The following PTCSC3 variants were observed in gnomAD, a reference collection of about 807,000 sequenced individuals.
PTCSC3 encodes papillary thyroid carcinoma susceptibility candidate 3.
At chr14:36,141,801 A>C (rs1594443853) in intron 3 of PTCSC3, among the ~76,000 whole-genome samples, 2 of 152,212 alleles carry the variant, frequency 1.3e-5, no homozygotes. Flanking sequence ...TTTTGGTGCT[A>C]ATGTAAAAGA....
chr14:36,152,593 C>A (rs1285050145), intron 3 of PTCSC3, among the ~76,000 whole-genome samples: 1 of 152,086 alleles, frequency 6.6e-6, no homozygotes, highest in Non-Finnish European at 1.5e-5. Flanking sequence ...AATATGAGAA[C>A]TACGACAACA....
chr14:36,173,990 T>A (rs1157356973), intron 1 of PTCSC3, among the ~76,000 whole-genome samples: 1 of 152,182 alleles, frequency 6.6e-6, no homozygotes, highest in Non-Finnish European at 1.5e-5. Context: ...GTACCTTTTT[T>A]TTCTCTTTGG....
intron 3 of PTCSC3, among the ~76,000 whole-genome samples, chr14:36,143,218 C>T (rs2139089906): frequency 6.8e-6 from 1 of 147,338 alleles, no homozygotes; most frequent in Non-Finnish European, 1.5e-5. Flanking sequence ...TTCTAGATCC[C>T]TGAGGAATCA....
intron 1 of PTCSC3, among the ~76,000 whole-genome samples, chr14:36,175,491 A>G (rs541480563): frequency 6.6e-6 from 1 of 152,184 alleles, no homozygotes; most frequent in Non-Finnish European, 1.5e-5. Context: ...GAACCACAGC[A>G]CTTTCTATGA....
intron 2 of PTCSC3, among the ~76,000 whole-genome samples, chr14:36,160,929 T>A (rs1167025694): frequency 6.6e-6 from 1 of 152,190 alleles, no homozygotes; most frequent in Non-Finnish European, 1.5e-5. Flanking sequence ...TTCCTTTTTA[T>A]TCTTTTTTCT....
intron 3 of PTCSC3, among the ~76,000 whole-genome samples, chr14:36,145,909 T>G (rs1881554620): frequency 6.6e-6 from 1 of 151,106 alleles, no homozygotes; most frequent in African/African-American, 2.4e-5. Context: ...CTGCCTTCAT[T>G]TTGTTATGTA....
intron 2 of PTCSC3, among the ~76,000 whole-genome samples, chr14:36,159,407 C>T (rs534017186): frequency 1.3e-5 from 2 of 152,300 alleles, no homozygotes; most frequent in South Asian, 4.1e-4. Context: ...TCCCTCTTAA[C>T]ACTGTTTTAG....
chr14:36,144,223 G>A (rs1367887653), intron 3 of PTCSC3, among the ~76,000 whole-genome samples: 1 of 149,556 alleles, frequency 6.7e-6, no homozygotes, highest in Non-Finnish European at 1.5e-5. Flanking sequence ...GATGGGGATG[G>A]CGTTGAATCT....
chr14:36,152,613 CG>C (rs1881747098), intron 3 of PTCSC3, among the ~76,000 whole-genome samples: 1 of 152,154 alleles, frequency 6.6e-6, no homozygotes, highest in African/African-American at 2.4e-5. Flanking sequence ...AACAACAAAA[CG>C]AGGCGCAGTG....
chr14:36,152,289 A>G (rs1881741316), intron 3 of PTCSC3, among the ~76,000 whole-genome samples: 1 of 152,122 alleles, frequency 6.6e-6, no homozygotes, highest in African/African-American at 2.4e-5. Flanking sequence ...ACTTTTTTTC[A>G]TCAAAAGACA....
intron 2 of PTCSC3, among the ~76,000 whole-genome samples, chr14:36,160,322 C>G (rs949968630): frequency 6.6e-6 from 1 of 152,038 alleles, no homozygotes; most frequent in African/African-American, 2.4e-5. Context: ...TTCATAGTGT[C>G]GATGGTCTTT....
chr14:36,149,670 G>A (rs899308646), intron 3 of PTCSC3, among the ~76,000 whole-genome samples: 1 of 152,086 alleles, frequency 6.6e-6, no homozygotes, highest in African/African-American at 2.4e-5. Flanking sequence ...TAATTATTAT[G>A]TCTTTTTGGA....
chr14:36,165,792 A>ATCGTC (rs2139110449), intron 1 of PTCSC3, among the ~76,000 whole-genome samples: 1 of 149,954 alleles, frequency 6.7e-6, no homozygotes, highest in South Asian at 2.1e-4. Flanking sequence ...TAATGAAACT[A>ATCGTC]ATGATTTAGG....
At chr14:36,149,201 T>TAAAAA (rs1428397073) in intron 3 of PTCSC3, among the ~76,000 whole-genome samples, 11 of 152,152 alleles carry the variant, frequency 7.2e-5, no homozygotes, top group Admixed American at 7.2e-4. Flanking sequence ...GTATTTTTAT[T>TAAAAA]TTCATTTATT....
Position 36,143,177 on chromosome 14 carries a change from A to G in PTCSC3, n.323-6821T>C, listed in dbSNP as rs1442887397. ...TAGTCCTTTGGGTATATACCCAGTAATGGGATGGCTGGGTCAAATGGTATT... is the reference window on the plus strand; with the variant it reads ...TAGTCCTTTGGGTATATACCCAGTAGTGGGATGGCTGGGTCAAATGGTATT... On this transcript the variant is annotated intron_variant and non_coding_transcript_variant, in intron 3 of 3. Transcript: ENST00000556013. Among the ~76,000 whole-genome samples, 90 of 149,126 alleles carry G rather than the reference A, an allele frequency of 6.0e-4. No homozygotes were observed. In the South Asian group the frequency reaches 0.011, roughly 18 times the overall value.
At chr14:36,148,506 C>T (rs1594447810) in intron 3 of PTCSC3, among the ~76,000 whole-genome samples, 1 of 152,240 alleles carries the variant, frequency 6.6e-6, no homozygotes, top group Admixed American at 6.5e-5. Context: ...GATGCAATGC[C>T]TCGCCCTGCT....
intron 3 of PTCSC3, among the ~76,000 whole-genome samples, chr14:36,144,572 G>A (rs1881511899): frequency 9.9e-6 from 1 of 100,940 alleles, no homozygotes; most frequent in Admixed American, 1.1e-4. Context: ...GAGACAATGG[G>A]GTTTTCTAGA....
intron 2 of PTCSC3, among the ~76,000 whole-genome samples, chr14:36,158,613 AT>A (rs2139103849): frequency 6.6e-6 from 1 of 152,262 alleles, no homozygotes; most frequent in Admixed American, 6.5e-5. Flanking sequence ...CAGCTTGATC[AT>A]GGTGGAAAAG....
At chr14:36,140,471 C>T (rs919972824) in intron 3 of PTCSC3, among the ~76,000 whole-genome samples, 1 of 152,180 alleles carries the variant, frequency 6.6e-6, no homozygotes, top group Non-Finnish European at 1.5e-5. Flanking sequence ...ATAATAGATG[C>T]GAGGTCCTGT....
Sources: allele counts gnomAD v4.1 joint callset (sites outside exome capture counted in the v4.1 genomes callset), GRCh38; gene constraint gnomAD v4.1.1; transcripts MANE v1.5; gene names NCBI Gene and HGNC (gene_info 2026-07-23, HGNC 2026-07-21).